Variants in RETREG1 observed in about 807,000 individuals in gnomAD.
RETREG1 encodes family with sequence similarity 134 member B.
Under a neutral mutation model 54.8 loss-of-function variants are expected in RETREG1, and 44 were observed. That is an observed-to-expected ratio of 0.80 (90% CI 0.63 to 1.03). The LOEUF is 1.03. RETREG1 is among the 50% of genes least tolerant of loss of function. The pLI is 0.00. For missense variants in RETREG1, 554 were observed against 605.1 expected, an observed-to-expected ratio of 0.92 and a Z score of 0.89; for synonymous variants, 217 against 238.5, an observed-to-expected ratio of 0.91 and a Z score of 0.83.
intron 3 of RETREG1, among the ~76,000 whole-genome samples, chr5:16,564,012 T>C (rs531261608): frequency 6.6e-6 from 1 of 152,354 alleles, no homozygotes; most frequent in East Asian, 1.9e-4. Flanking sequence ...TTTTTTGTTA[T>C]TCCTTTTTAA....
intron 1 of RETREG1, among the ~76,000 whole-genome samples, chr5:16,608,333 AC>A (rs1484538358): frequency 6.6e-6 from 1 of 151,984 alleles, no homozygotes; most frequent in Non-Finnish European, 1.5e-5. Flanking sequence ...CCCAAAACAG[AC>A]CCTCAGTGTG....
chr5:16,562,700 C>T (rs1741892001), intron 3 of RETREG1, among the ~76,000 whole-genome samples: 1 of 152,070 alleles, frequency 6.6e-6, no homozygotes, highest in Non-Finnish European at 1.5e-5. Context: ...ATGAGAAAAA[C>T]ATCAGACAAA....
intron 3 of RETREG1, among the ~76,000 whole-genome samples, chr5:16,525,303 G>A (rs759083023): frequency 4.4e-4 from 39 of 87,876 alleles, no homozygotes; most frequent in East Asian, 2.7e-3. Flanking sequence ...GCTGATTTGC[G>A]TCCTCCAGCC....
At chr5:16,602,641 A>C (rs1021063329) in intron 1 of RETREG1, among the ~76,000 whole-genome samples, 27 of 152,198 alleles carry the variant, frequency 1.8e-4, no homozygotes, top group Non-Finnish European at 3.4e-4. Flanking sequence ...GGATGAGAAG[A>C]GTTTATGTGA....
At position 16,560,358 on chromosome 5, in the gene RETREG1, G is replaced by A. The variant is rs115158712; in HGVS notation, c.458+5405C>T. Among the ~76,000 whole-genome samples the A allele has an allele frequency of 7.7e-3, 1,176 of 152,306 alleles. 10 individuals are homozygous for A. The highest frequency in any genetic ancestry group is 0.026 in the African/African-American group (1,096 of 41,552). ...GCCATTAGGATTGTAGGGAAGGAAAGGAGAAGTTCCTTCTCAATGTAAAAG... is the reference window on the plus strand; with the variant it reads ...GCCATTAGGATTGTAGGGAAGGAAAAGAGAAGTTCCTTCTCAATGTAAAAG... On this transcript the variant is annotated intron_variant, in intron 3 of 8. Coordinates refer to ENST00000306320, the MANE Select transcript of RETREG1 (RefSeq NM_001034850.3).
intron 3 of RETREG1, among the ~76,000 whole-genome samples, chr5:16,532,426 G>A (rs1740942985): frequency 6.6e-6 from 1 of 152,226 alleles, no homozygotes; most frequent in Non-Finnish European, 1.5e-5. Context: ...TCGGGAAGCT[G>A]AGGCAGGAGA....
chr5:16,529,979 C>G (rs1370528624), intron 3 of RETREG1, among the ~76,000 whole-genome samples: 3 of 152,216 alleles, frequency 2.0e-5, no homozygotes, highest in Non-Finnish European at 4.4e-5. Context: ...CTCTCCACAT[C>G]ACTGAAGAAT....
At chr5:16,521,506 T>A (rs1740531736) in intron 3 of RETREG1, among the ~76,000 whole-genome samples, 1 of 152,130 alleles carries the variant, frequency 6.6e-6, no homozygotes, top group African/African-American at 2.4e-5. Flanking sequence ...TTAGAACAAA[T>A]CATCATAGCA....
chr5:16,528,945 C>T (rs1159115563), intron 3 of RETREG1, among the ~76,000 whole-genome samples: 4 of 152,108 alleles, frequency 2.6e-5, no homozygotes, highest in East Asian at 1.9e-4. Flanking sequence ...CTCACCCACA[C>T]GTACACGCAC....
At chr5:16,544,061 C>T (rs1397349088) in intron 3 of RETREG1, among the ~76,000 whole-genome samples, 2 of 150,934 alleles carry the variant, frequency 1.3e-5, no homozygotes, top group African/African-American at 2.4e-5. Flanking sequence ...CTGCAACCTC[C>T]GCCTCCTGGG....
chr5:16,490,622 CT>C (rs1739206484), intron 3 of RETREG1, among the ~76,000 whole-genome samples: 1 of 149,684 alleles, frequency 6.7e-6, no homozygotes, highest in Non-Finnish European at 1.5e-5. Flanking sequence ...GAGTGAACTA[CT>C]GTTTATTATT....
chr5:16,562,476 A>C (rs1307869184), intron 3 of RETREG1, among the ~76,000 whole-genome samples: 1 of 152,126 alleles, frequency 6.6e-6, no homozygotes, highest in Admixed American at 6.5e-5. Context: ...TTCAGCAAAC[A>C]TCCAAATCCC....
chr5:16,524,167 C>T (rs543089549), intron 3 of RETREG1, among the ~76,000 whole-genome samples: 4 of 152,330 alleles, frequency 2.6e-5, no homozygotes, highest in East Asian at 3.9e-4. Context: ...TGAGCTGAGC[C>T]GACCAGTCAG....
intron 1 of RETREG1, among the ~76,000 whole-genome samples, chr5:16,606,111 T>C (rs914683786): frequency 1.3e-5 from 2 of 151,732 alleles, no homozygotes; most frequent in African/African-American, 4.9e-5. Context: ...AGCGAGGAGG[T>C]GGTGCCATGG....
intron 3 of RETREG1, among the ~76,000 whole-genome samples, chr5:16,523,829 C>T (rs909633800): frequency 9.2e-5 from 14 of 152,114 alleles, no homozygotes; most frequent in Non-Finnish European, 4.4e-5. Flanking sequence ...TCAGTGAAGA[C>T]TCGTGTGTTT....
chr5:16,488,815 T>C (rs965973307), intron 3 of RETREG1, among the ~76,000 whole-genome samples: 1 of 152,108 alleles, frequency 6.6e-6, no homozygotes, highest in Non-Finnish European at 1.5e-5. Context: ...CCGGGCGTGG[T>C]GGCTCACGCC....
At chr5:16,508,446 G>GA in intron 3 of RETREG1, 1 of 887,522 alleles carries the variant, frequency 1.1e-6, no homozygotes, top group Non-Finnish European at 1.8e-6. Flanking sequence ...ATGTTTCCTG[G>GA]AATTAAAGGA....
intron 3 of RETREG1, among the ~76,000 whole-genome samples, chr5:16,526,116 T>C (rs1402185585): frequency 2.0e-5 from 3 of 152,216 alleles, no homozygotes; most frequent in African/African-American, 7.2e-5. Context: ...CTGGGCAAGT[T>C]GACATGAATT....
intron 3 of RETREG1, among the ~76,000 whole-genome samples, chr5:16,518,958 A>C (rs1434215076): frequency 1.3e-5 from 2 of 152,252 alleles, no homozygotes; most frequent in African/African-American, 4.8e-5. Flanking sequence ...CCAAAGAGAA[A>C]TAAGGGTATG....
Sources: gnomAD v4.1 joint callset for allele counts (sites outside exome capture counted in the v4.1 genomes callset) on GRCh38, gnomAD v4.1.1 for gene constraint, MANE v1.5 for transcripts, NCBI Gene and HGNC (gene_info 2026-07-23, HGNC 2026-07-21) for gene names.